Variants in TRAPPC12 observed in about 807,000 individuals in gnomAD.
TRAPPC12 encodes the protein TPR repeat protein 15.
Under a neutral mutation model 69.2 loss-of-function variants are expected in TRAPPC12, and 61 were observed. That is an observed-to-expected ratio of 0.88 (90% confidence interval 0.72 to 1.09). The LOEUF (loss-of-function observed/expected upper bound fraction) is 1.09. Ranked by LOEUF, TRAPPC12 falls within the 50% of genes least tolerant of loss-of-function variation. The pLI, the probability that TRAPPC12 is intolerant of heterozygous loss-of-function variation, is 0.00. For synonymous variants in TRAPPC12, 469 were observed against 438.9 expected (o/e 1.07, Z -0.86); for missense variants, 1,101 against 1,016.4 (o/e 1.08, Z -1.13).
chr2:3,471,474 T>C (rs991958549), intron 9 of TRAPPC12, among the ~76,000 whole-genome samples: 1 of 152,176 alleles, frequency 6.6e-6, no homozygotes, highest in Non-Finnish European at 1.5e-5. Flanking sequence ...GCTGTGATCA[T>C]TTCCACAGTC....
chr2:3,465,274 C>T (rs1439139332), intron 8 of TRAPPC12, among the ~76,000 whole-genome samples: 1 of 152,190 alleles, frequency 6.6e-6, no homozygotes, highest in Non-Finnish European at 1.5e-5. Flanking sequence ...AGGTGCAGTC[C>T]AAGTGAAATA....
chr2:3,382,052 T>C (rs1235194497), intron 1 of TRAPPC12, among the ~76,000 whole-genome samples: 1 of 152,190 alleles, frequency 6.6e-6, no homozygotes, highest in Non-Finnish European at 1.5e-5. Context: ...TTCACCACTA[T>C]TTTAATATTT....
chr2:3,423,872 T>C (rs887441849), intron 4 of TRAPPC12, among the ~76,000 whole-genome samples: 3 of 152,202 alleles, frequency 2.0e-5, no homozygotes, highest in African/African-American at 4.8e-5. Context: ...TTTTCCTGAA[T>C]GTACCCCTGA....
chr2:3,425,664 C>G (rs923103171), intron 5 of TRAPPC12, among the ~76,000 whole-genome samples: 8 of 152,140 alleles, frequency 5.3e-5, no homozygotes, highest in Admixed American at 5.2e-4. Context: ...ATTTTGCAGG[C>G]TCGATTGTCA....
At chr2:3,404,571 A>C (rs991178679) in intron 3 of TRAPPC12, among the ~76,000 whole-genome samples, 4 of 152,114 alleles carry the variant, frequency 2.6e-5, no homozygotes, top group African/African-American at 9.7e-5. Flanking sequence ...GGGAGGTGAC[A>C]TGTCATCAGT....
Position 3,387,638 on chromosome 2 carries a change from C to T in TRAPPC12, c.15C>T (p.Gly5=), listed in dbSNP as rs1377038302. 3 of 1,541,898 alleles carry T rather than the reference C, an allele frequency of 1.9e-6. No individual in the cohort carries two copies. Among genetic ancestry groups the T allele is most frequent in the Non-Finnish European group, 2.6e-6 (3 of 1,140,996 alleles). The stretch of plus-strand genomic sequence containing the variant: ...CTTTCAGGGTCATGGAGGACGCTGG[C>T]GGCGGCGAGGAGACCCCGGCCCCGG... The part of the protein sequence containing the change: MEDA[G]GGEETPAPEA... The change falls in exon 2 of 12, where the codon GGC becomes GGT. Residue 5 remains glycine (G), a synonymous_variant. Coordinates refer to ENST00000324266, the MANE Select transcript of TRAPPC12 (RefSeq NM_016030.6).
intron 1 of TRAPPC12, among the ~76,000 whole-genome samples, chr2:3,383,871 GTTTTTTTTTTTTTTT>G (rs34956958): frequency 5.8e-5 from 5 of 85,592 alleles, no homozygotes; most frequent in Admixed American, 3.0e-4. Flanking sequence ...GTTCAGTCTT[GTTTTTTTTTTTTTTT>G]TTTTTTTTTT....
At chr2:3,435,875 T>A (rs1663743465) in intron 5 of TRAPPC12, among the ~76,000 whole-genome samples, 1 of 152,270 alleles carries the variant, frequency 6.6e-6, no homozygotes, top group African/African-American at 2.4e-5. Context: ...ATGAAGGCAC[T>A]GTATAGTACC....
At chr2:3,457,786 T>G (rs1665245534) in intron 7 of TRAPPC12, 93 bp downstream of exon 7, 2 of 1,546,526 alleles carry the variant, frequency 1.3e-6, no homozygotes, top group Admixed American at 3.9e-5. Flanking sequence ...TCTCCTTTCC[T>G]TTCTGTAGTC....
intron 2 of TRAPPC12, among the ~76,000 whole-genome samples, chr2:3,392,961 A>G (rs1053815003): frequency 1.3e-5 from 2 of 152,186 alleles, no homozygotes; most frequent in Non-Finnish European, 2.9e-5. Flanking sequence ...GGACAGAGAA[A>G]ATTTGGTATG....
At chr2:3,409,558 G>A (rs770702123) in intron 3 of TRAPPC12, among the ~76,000 whole-genome samples, 4 of 151,850 alleles carry the variant, frequency 2.6e-5, no homozygotes, top group Non-Finnish European at 5.9e-5. Context: ...AGATCAGCCC[G>A]AGCAATATAG....
chr2:3,417,311 G>A (rs930495715), intron 3 of TRAPPC12, among the ~76,000 whole-genome samples: 3 of 152,102 alleles, frequency 2.0e-5, no homozygotes, highest in African/African-American at 7.2e-5. Flanking sequence ...TCACCCTCTA[G>A]GGAGCAGCCA....
At chr2:3,401,455 G>A (rs1347742032) in intron 2 of TRAPPC12, among the ~76,000 whole-genome samples, 1 of 152,206 alleles carries the variant, frequency 6.6e-6, no homozygotes, top group East Asian at 1.9e-4. Context: ...GCTTGGCTTT[G>A]CCTCTCACTA....
intron 3 of TRAPPC12, among the ~76,000 whole-genome samples, chr2:3,411,245 G>A (rs1286776592): frequency 6.6e-6 from 1 of 152,180 alleles, no homozygotes; most frequent in Non-Finnish European, 1.5e-5. Flanking sequence ...CAACCAGCCT[G>A]AATTTGGTTC....
chr2:3,397,381 T>C (rs1661194515), intron 2 of TRAPPC12, among the ~76,000 whole-genome samples: 1 of 152,222 alleles, frequency 6.6e-6, no homozygotes. Context: ...TTCAGCCCTG[T>C]GTGAGCTCTG....
chr2:3,414,592 T>C lies in TRAPPC12; in HGVS notation c.1165-7289T>C, dbSNP rs1662241501. Among the ~76,000 whole-genome samples the C allele has an allele frequency of 6.6e-6, 1 of 150,672 alleles. No individual in the cohort carries two copies. Among genetic ancestry groups the C allele is most frequent in the East Asian group, 2.0e-4 (1 of 5,066 alleles). On this transcript the variant is annotated intron_variant, in intron 3 of 11. Transcript: ENST00000324266. This position sits in a 1 kb window ranked among gnomAD's most constrained non-coding sequence, Gnocchi z 4.9. ...GCAGTGCCTTGAACGTGCTCTGCCGTGTGTCGGCCCGTTTCCTGAATCCTC... is the reference window on the plus strand; with the variant it reads ...GCAGTGCCTTGAACGTGCTCTGCCGCGTGTCGGCCCGTTTCCTGAATCCTC...
At chr2:3,398,307 A>C (rs906867871) in intron 2 of TRAPPC12, among the ~76,000 whole-genome samples, 1 of 152,084 alleles carries the variant, frequency 6.6e-6, no homozygotes, top group South Asian at 2.1e-4. Context: ...TGGCTATTCC[A>C]TGTTGACTCC....
At chr2:3,396,530 G>A (rs1661144630) in intron 2 of TRAPPC12, among the ~76,000 whole-genome samples, 1 of 152,024 alleles carries the variant, frequency 6.6e-6, no homozygotes, top group African/African-American at 2.4e-5. Flanking sequence ...TATTTCTTCA[G>A]GTATTTTCTG....
At chr2:3,399,810 C>T (rs1367407485) in intron 2 of TRAPPC12, among the ~76,000 whole-genome samples, 3 of 149,522 alleles carry the variant, frequency 2.0e-5, no homozygotes, top group African/African-American at 7.4e-5. Context: ...TCCCCCGCTC[C>T]CCCCGCCACC....
Sources: allele counts gnomAD v4.1 joint callset (sites outside exome capture counted in the v4.1 genomes callset), GRCh38; gene constraint gnomAD v4.1.1; non-coding constraint Gnocchi (gnomAD v3.1); transcripts MANE v1.5; gene names NCBI Gene and HGNC (gene_info 2026-07-23, HGNC 2026-07-21).